The following ZNF469 variants were observed in gnomAD, a reference collection of about 807,000 sequenced individuals.
The protein encoded by ZNF469 is zinc finger protein 469.
ZNF469 carries 1 observed loss-of-function variant against 1.0 expected under a neutral mutation model. The ratio of observed to expected loss-of-function variants is 1.00; its 90% CI spans 0.35 to 4.73. The LOEUF is 4.73. Ranked by LOEUF, ZNF469 falls within the 30% of genes most tolerant of loss-of-function variation. The pLI, the probability that ZNF469 is intolerant of heterozygous loss-of-function variation, is 0.16. For synonymous variants in ZNF469, 2,703 were observed against 2,363.4 expected (o/e 1.14, Z -4.17); for missense variants, 6,100 against 5,356.3 (o/e 1.14, Z -4.33).
the ZNF469 span, among the ~76,000 whole-genome samples, chr16:88,253,362 G>T: frequency 7.9e-5 from 12 of 152,090 alleles, no homozygotes; most frequent in African/African-American, 2.9e-4. Flanking sequence ...ACTTGGGCTT[G>T]TCTTGTTTTT....
the ZNF469 span, chr16:88,234,767 G>A: frequency 6.6e-6 from 1 of 152,260 alleles, no homozygotes. Context: ...GCCCGTGTTT[G>A]TCTTTCCCAT....
Position 88,432,375 on chromosome 16 carries a change from A to T in ZNF469, c.4905A>T (p.Ala1635=), listed in dbSNP as rs1445108784. 3 of 1,548,940 alleles carry T rather than the reference A, an allele frequency of 1.9e-6. No homozygotes were observed. The African/African-American group carries it at 4.1e-5, about 21-fold the overall frequency. ...ADLTRVGEST[A]HREGAESAVA... ...TCACGCGCGTTGGAGAATCCACTGC[A>T]CATCGGGAGGGTGCGGAATCGGCTG... The change falls in exon 3 of 3, where the codon GCA becomes GCT. Residue 1635 remains alanine, a synonymous_variant. Transcript: ENST00000565624.
At chr16:88,228,333 C>G in the ZNF469 span, among the ~76,000 whole-genome samples, 5 of 152,246 alleles carry the variant, frequency 3.3e-5, no homozygotes, top group African/African-American at 9.6e-5. Context: ...AGACAGCACA[C>G]ACGGCGCCTG....
the ZNF469 span, among the ~76,000 whole-genome samples, chr16:88,247,612 ATGTTTGAT>A: frequency 1.2e-4 from 15 of 128,772 alleles, no homozygotes; most frequent in South Asian, 3.1e-4. Flanking sequence ...GAGTGAGTGA[ATGTTTGAT>A]TGAATGAGTG....
the ZNF469 span, among the ~76,000 whole-genome samples, chr16:88,331,763 A>C: frequency 6.6e-6 from 1 of 150,506 alleles, no homozygotes; most frequent in Non-Finnish European, 1.5e-5. Flanking sequence ...CATCATCATC[A>C]CTATTGTTAC....
rs947624087 is a variant in ZNF469, at chr16:88,434,850, C to T, written c.7380C>T (p.Asn2460=). The stretch of plus-strand genomic sequence containing the variant: ...AAAAGAAGCCTGCATCTACAGAGAA[C>T]GGCCAGTGGAAGGGCCAAGCTCCAC... ...GYKKKPASTE[N]GQWKGQAPHG... The change falls in exon 3 of 3, where the codon AAC becomes AAT. Residue 2460 remains asparagine (N), a synonymous_variant. Coordinates refer to ENST00000565624, the MANE Select transcript of ZNF469 (RefSeq NM_001367624.2). The T allele has an allele frequency of 1.4e-4, 216 of 1,550,236 alleles. 2 individuals are homozygous for T. The East Asian group carries it at 3.5e-3, about 25-fold the overall frequency.
chr16:88,246,589 C>A, the ZNF469 span, among the ~76,000 whole-genome samples: 1 of 152,218 alleles, frequency 6.6e-6, no homozygotes, highest in Non-Finnish European at 1.5e-5. Flanking sequence ...TGGCACCAAC[C>A]CAGAATTTTT....
At chr16:88,116,242 T>A in the ZNF469 span, among the ~76,000 whole-genome samples, 38 of 152,184 alleles carry the variant, frequency 2.5e-4, no homozygotes, top group African/African-American at 8.7e-4. Flanking sequence ...CCAGCAGCTG[T>A]CGGGAAACGC....
chr16:88,115,622 G>A, the ZNF469 span, among the ~76,000 whole-genome samples: 1 of 28,902 alleles, frequency 3.5e-5, no homozygotes, highest in South Asian at 1.1e-3. Context: ...TCTAGTTCTG[G>A]AGACCAGAAG....
intron 1 of ZNF469, among the ~76,000 whole-genome samples, chr16:88,394,157 AG>A (rs1904584942): frequency 6.6e-6 from 1 of 150,932 alleles, no homozygotes; most frequent in East Asian, 2.0e-4. Flanking sequence ...GCTGTCCGAG[AG>A]GGATGGGGTT....
chr16:88,269,940 C>T, the ZNF469 span, among the ~76,000 whole-genome samples: 6 of 152,028 alleles, frequency 3.9e-5, no homozygotes, highest in South Asian at 2.1e-4. Context: ...CATGGAGCCC[C>T]GGCTCCTTTA....
chr16:88,307,440 C>T, the ZNF469 span, among the ~76,000 whole-genome samples: 2 of 152,246 alleles, frequency 1.3e-5, no homozygotes, highest in Non-Finnish European at 2.9e-5. Flanking sequence ...AAAGAGGTTG[C>T]CACATCTTAC....
chr16:88,393,869 T>G (rs1286475074), intron 1 of ZNF469, among the ~76,000 whole-genome samples: 4 of 152,200 alleles, frequency 2.6e-5, no homozygotes, highest in Non-Finnish European at 4.4e-5. Context: ...AGGGCATGTG[T>G]CCAGGAGACG....
At chr16:88,191,529 A>G in the ZNF469 span, 1 of 152,298 alleles carries the variant, frequency 6.6e-6, no homozygotes, top group Non-Finnish European at 1.5e-5. Context: ...GCTACAGAAG[A>G]GAATACGAAA....
upstream of ZNF469, among the ~76,000 whole-genome samples, chr16:88,381,488 A>G (rs554706675): frequency 6.6e-6 from 1 of 152,370 alleles, no homozygotes; most frequent in South Asian, 2.1e-4. Context: ...CCCAGTAGAA[A>G]CGAGAAGGAA....
At chr16:88,146,196 C>T in the ZNF469 span, among the ~76,000 whole-genome samples, 1 of 152,230 alleles carries the variant, frequency 6.6e-6, no homozygotes, top group South Asian at 2.1e-4. Flanking sequence ...CCACGACCCA[C>T]CCGGGCCCAG....
chr16:88,428,665 A>G lies in ZNF469; in HGVS notation c.1195A>G (p.Ser399Gly). The G allele has an allele frequency of 6.5e-7, 1 of 1,549,952 alleles. No homozygotes were observed. ...GCTGGGGAGCACGAGAGGGCCCCCT[A>G]GCTCCCTACCCCAGAGGCACTTTCC... Reference protein sequence around the residue: ...DGLGSTRGPPSSLPQRHFPGQ... With the variant: ...DGLGSTRGPPGSLPQRHFPGQ... The change falls in exon 3 of 3, where the codon AGC (serine) becomes GGC (glycine). Residue 399 changes from serine to glycine, a missense_variant. By Grantham distance (56) the Ser-to-Gly change is moderately conservative. Transcript: ENST00000565624.
the ZNF469 span, among the ~76,000 whole-genome samples, chr16:88,374,066 G>A: frequency 1.3e-5 from 2 of 151,976 alleles, no homozygotes; most frequent in Admixed American, 6.6e-5. Context: ...AGGAATGAAC[G>A]TAGTGTGTGG....
chr16:88,379,657 G>GC (rs373553441), upstream of ZNF469, among the ~76,000 whole-genome samples: 15 of 152,122 alleles, frequency 9.9e-5, no homozygotes, highest in Admixed American at 9.8e-4. Context: ...AGCAGCCCCT[G>GC]CCCCCCAGCT....
Sources: gnomAD v4.1 joint callset for allele counts (sites outside exome capture counted in the v4.1 genomes callset) on GRCh38, gnomAD v4.1.1 for gene constraint, MANE v1.5 for transcripts, NCBI Gene and HGNC (gene_info 2026-07-23, HGNC 2026-07-21) for gene names.